LRRC49: variants seen among roughly 807,000 people sequenced by gnomAD.
The protein encoded by LRRC49 is leucine rich repeat containing 49.
LRRC49 carries 50 observed loss-of-function variants against 83.3 expected under a neutral mutation model. The observed-to-expected ratio is 0.60, with a 90% confidence interval of 0.48 to 0.76. The LOEUF is 0.76. LRRC49 is among the 30% of genes least tolerant of loss of function. LRRC49 has a pLI of 0.00. For synonymous variants in LRRC49, 286 were observed against 283.3 expected (o/e 1.01, Z -0.10); for missense variants, 704 against 809.1 (o/e 0.87, Z 1.58).
chr15:70,894,671 T>C, intron 2 of LRRC49: 1 of 1,260,522 alleles, frequency 7.9e-7, no homozygotes, highest in South Asian at 1.3e-5. Flanking sequence ...ACAATTCAGG[T>C]GTGTCCTAAA....
Position 70,895,937 on chromosome 15 carries a change from G to A in LRRC49, c.193+1G>A, listed in dbSNP as rs138431036. ...GAAAGAAACTACTCAAGTAGGCAAG[G>A]TATTGTCAGTGAATAGAGATCAGAT... On this transcript the variant is annotated splice_donor_variant, in intron 3 of 15. Transcript: ENST00000260382. LOFTEE classifies it high-confidence loss of function. The A allele has an allele frequency of 4.5e-5, 70 of 1,570,590 alleles. No individual in the cohort carries two copies. Among genetic ancestry groups the A allele is most frequent in the Non-Finnish European group, 5.9e-5 (68 of 1,143,950 alleles).
chr15:70,860,104 A>G, intron 1 of LRRC49: 1 of 715,720 alleles, frequency 1.4e-6, no homozygotes, highest in Admixed American at 2.0e-5. Flanking sequence ...TGGTTGAAGA[A>G]GATTGAGACC....
chr15:70,991,135 A>G (rs1360198454), intron 11 of LRRC49, among the ~76,000 whole-genome samples: 3 of 152,196 alleles, frequency 2.0e-5, no homozygotes, highest in Admixed American at 6.5e-5. Flanking sequence ...CTATCTGTCT[A>G]TTCCAGTGGC....
intron 3 of LRRC49, 22 bp downstream of exon 3, chr15:70,895,958 C>T: frequency 7.3e-7 from 1 of 1,364,144 alleles, no homozygotes; most frequent in East Asian, 2.3e-5. Flanking sequence ...GAATAGAGAT[C>T]AGATGTGGTT....
intron 7 of LRRC49, 26 bp from the exon 8 acceptor site, chr15:70,936,735 A>G (rs781585242): frequency 2.7e-6 from 4 of 1,477,272 alleles, no homozygotes; most frequent in Non-Finnish European, 3.8e-6. Flanking sequence ...TCATCTGATT[A>G]AGTTTTGCTG....
At chr15:70,988,072 G>A (rs1189902104) in intron 11 of LRRC49, among the ~76,000 whole-genome samples, 2 of 151,478 alleles carry the variant, frequency 1.3e-5, no homozygotes, top group African/African-American at 4.9e-5. Context: ...GGTCAATTTT[G>A]GAATAGGTGT....
chr15:70,961,819 A>G (rs1466866634), intron 8 of LRRC49, among the ~76,000 whole-genome samples: 1 of 152,202 alleles, frequency 6.6e-6, no homozygotes, highest in Admixed American at 6.5e-5. Flanking sequence ...AAGATACTTT[A>G]ATGGTGGATA....
chr15:71,010,014 C>A lies in LRRC49; in HGVS notation c.1593+22C>A, dbSNP rs370546890. On this transcript the variant is annotated intron_variant, in intron 13 of 15. Coordinates refer to ENST00000260382, the MANE Select transcript of LRRC49 (RefSeq NM_017691.5). The stretch of plus-strand genomic sequence containing the variant: ...AGAGGTAAGCTAAAAACTAGATGAA[C>A]TATAGAATAAAAATATTCCTTCTTA... 338 of 1,421,416 alleles carry A rather than the reference C, an allele frequency of 2.4e-4. 1 individual carries two copies. Among genetic ancestry groups the A allele is most frequent in the Non-Finnish European group, 2.9e-4 (309 of 1,053,304 alleles). The allele number at this position is 1,421,416 out of a possible 1,614,324, so 88.1% of individuals were successfully genotyped here.
chr15:70,943,821 T>C (rs1355616420), intron 8 of LRRC49, among the ~76,000 whole-genome samples: 1 of 152,200 alleles, frequency 6.6e-6, no homozygotes, highest in African/African-American at 2.4e-5. Context: ...ATTGGGAGAC[T>C]GCCTTTCCCT....
intron 14 of LRRC49, among the ~76,000 whole-genome samples, chr15:71,018,994 T>C (rs2038912569): frequency 2.0e-5 from 3 of 151,944 alleles, no homozygotes; most frequent in African/African-American, 7.3e-5. Context: ...ATAGAAAAAA[T>C]GCAAAGGGCA....
intron 5 of LRRC49, among the ~76,000 whole-genome samples, chr15:70,905,971 C>T (rs774286545): frequency 2.0e-5 from 3 of 151,808 alleles, no homozygotes; most frequent in Non-Finnish European, 4.4e-5. Flanking sequence ...GAGAGAAGCT[C>T]AGACAGTGAG....
At chr15:70,880,539 T>A (rs1189812748) in intron 2 of LRRC49, among the ~76,000 whole-genome samples, 1 of 152,228 alleles carries the variant, frequency 6.6e-6, no homozygotes, top group African/African-American at 2.4e-5. Context: ...AAATTAAAAA[T>A]ATTTGTGCAA....
At chr15:70,971,016 C>T (rs2036975972) in intron 9 of LRRC49, among the ~76,000 whole-genome samples, 1 of 152,090 alleles carries the variant, frequency 6.6e-6, no homozygotes, top group East Asian at 1.9e-4. Flanking sequence ...TATTTCTTGT[C>T]TTCTACTACC....
intron 14 of LRRC49, among the ~76,000 whole-genome samples, chr15:71,022,406 G>T (rs1274595160): frequency 6.6e-6 from 1 of 151,978 alleles, no homozygotes; most frequent in Non-Finnish European, 1.5e-5. Context: ...TGCAAAGATT[G>T]TCAGACTGAA....
At chr15:70,882,531 C>G in intron 2 of LRRC49, 1 of 1,613,938 alleles carries the variant, frequency 6.2e-7, no homozygotes, top group Non-Finnish European at 8.5e-7. Context: ...CAGTCTGTAT[C>G]TGTTTCTGAA....
upstream of LRRC49, among the ~76,000 whole-genome samples, chr15:70,891,127 G>C (rs1019903297): frequency 6.6e-6 from 1 of 152,174 alleles, no homozygotes; most frequent in Non-Finnish European, 1.5e-5. Flanking sequence ...TGGTGGCAAG[G>C]CTGAAGTTTA....
rs1240291238 is a variant in LRRC49 at position 70,963,866 on chromosome 15, A to C, written c.855A>C (p.Ser285=). The change falls in exon 9 of 16, where the codon TCA becomes TCC. Residue 285 remains serine, a synonymous_variant. Coordinates refer to ENST00000260382, the MANE Select transcript of LRRC49 (RefSeq NM_017691.5). ...TFDGNPIAQE[S]WYKHTVLQNM... The stretch of plus-strand genomic sequence containing the variant: ...ATGGCAATCCCATAGCTCAAGAGTC[A>C]TGGTACAAACACACTGTCCTTCAGA... 6.2e-7 allele frequency: 1 copy of C among 1,613,556 alleles called. No individual in the cohort carries two copies. The highest frequency in any genetic ancestry group is 2.2e-5 in the East Asian group (1 of 44,878).
At chr15:71,038,929 A>G (rs1457206840) in intron 15 of LRRC49, among the ~76,000 whole-genome samples, 2 of 152,194 alleles carry the variant, frequency 1.3e-5, no homozygotes, top group Non-Finnish European at 2.9e-5. Flanking sequence ...CTATAAAAAG[A>G]CACTGTCCTT....
intron 14 of LRRC49, among the ~76,000 whole-genome samples, chr15:71,036,896 T>C (rs751342796): frequency 6.6e-6 from 1 of 152,152 alleles, no homozygotes; most frequent in Non-Finnish European, 1.5e-5. Flanking sequence ...CTGTGATTAA[T>C]TTTTGTGTTG....
Sources: gnomAD v4.1 joint callset for allele counts (sites outside exome capture counted in the v4.1 genomes callset) on GRCh38, gnomAD v4.1.1 for gene constraint, MANE v1.5 for transcripts, NCBI Gene and HGNC (gene_info 2026-07-23, HGNC 2026-07-21) for gene names.